SH2B2: variants seen among roughly 807,000 people sequenced by gnomAD.
SH2B2 encodes SH2B adaptor protein 2.
Under a neutral mutation model 35.7 loss-of-function variants are expected in SH2B2, and 37 were observed. That is an observed-to-expected ratio of 1.04 (90% CI 0.80 to 1.36). The LOEUF (loss-of-function observed/expected upper bound fraction) is 1.36. Ranked by LOEUF, SH2B2 falls within the 40% of genes most tolerant of loss-of-function variation. The pLI is 0.00. For synonymous variants in SH2B2, 383 were observed against 376.4 expected (o/e 1.02, Z -0.20); for missense variants, 852 against 817.7 (o/e 1.04, Z -0.51).
At chr7:102,311,257 ATT>A (rs782006002) in intron 4 of SH2B2, among the ~76,000 whole-genome samples, 4 of 140,824 alleles carry the variant, frequency 2.8e-5, no homozygotes, top group Non-Finnish European at 3.1e-5. Context: ...GACTGGCTTA[ATT>A]TTTTTTTTTT....
At chr7:102,302,372 CCTGCCCAGGGGGTCCTTTT>C (rs1793227905) in intron 2 of SH2B2, among the ~76,000 whole-genome samples, 1 of 152,246 alleles carries the variant, frequency 6.6e-6, no homozygotes, top group Non-Finnish European at 1.5e-5. Flanking sequence ...CAGCCCAGCC[CCTGCCCAGGGGGTCCTTTT>C]CTGGCCAGGG....
At chr7:102,299,238 A>ACC (rs1297857199) in intron 1 of SH2B2, among the ~76,000 whole-genome samples, 1 of 47,362 alleles carries the variant, frequency 2.1e-5, no homozygotes, top group African/African-American at 9.0e-5. Flanking sequence ...TGGCTCTGTC[A>ACC]CCTAGGCTGG....
intron 1 of SH2B2, among the ~76,000 whole-genome samples, chr7:102,287,301 C>T (rs1255951329): frequency 6.6e-6 from 1 of 152,026 alleles, no homozygotes; most frequent in South Asian, 2.1e-4. Flanking sequence ...GGGATCTGCT[C>T]CCCGATCCCC....
chr7:102,304,451 A>C (rs542335372), intron 2 of SH2B2, among the ~76,000 whole-genome samples: 1 of 152,338 alleles, frequency 6.6e-6, no homozygotes, highest in Non-Finnish European at 1.5e-5. Flanking sequence ...TGGTATTTTC[A>C]AGATGCTTGC....
intron 7 of SH2B2, among the ~76,000 whole-genome samples, chr7:102,317,850 G>A (rs548728710): frequency 1.3e-5 from 2 of 152,282 alleles, no homozygotes; most frequent in African/African-American, 2.4e-5. Context: ...TCCCTGCCCA[G>A]GTTAGGTCAC....
chr7:102,303,154 T>C (rs1793258463), intron 2 of SH2B2, among the ~76,000 whole-genome samples: 1 of 150,896 alleles, frequency 6.6e-6, no homozygotes, highest in Admixed American at 6.6e-5. Context: ...GAGGCAGAGA[T>C]TGTGGTAAGC....
intron 1 of SH2B2, among the ~76,000 whole-genome samples, chr7:102,299,609 A>G (rs1793068633): frequency 6.6e-6 from 1 of 152,130 alleles, no homozygotes; most frequent in African/African-American, 2.4e-5. Context: ...ATGCAGGAAA[A>G]ATAGTTATGC....
chr7:102,300,235 G>A (rs570709327), intron 1 of SH2B2, among the ~76,000 whole-genome samples: 1 of 152,332 alleles, frequency 6.6e-6, no homozygotes, highest in Non-Finnish European at 1.5e-5. Context: ...TCACCATGTT[G>A]ACCAGGCTGA....
At position 102,317,362 on chromosome 7, in the gene SH2B2, C is replaced by T. The variant is rs374496645; in HGVS notation, c.1362C>T (p.Tyr454=). Residue 454 remains tyrosine, a synonymous_variant, in exon 7 of 9, where the codon TAC becomes TAT. Transcript: ENST00000444095. ...IRQSETRPGE[Y]VLTFNFQGKA... ...AAAGTGAGACTCGGCCTGGGGAGTACGTGCTGACCTTCAACTTCCAGGGCA... is the reference window on the plus strand; with the variant it reads ...AAAGTGAGACTCGGCCTGGGGAGTATGTGCTGACCTTCAACTTCCAGGGCA... 2.4e-5 allele frequency: 38 copies of T among 1,595,226 alleles called. No homozygotes were observed. The highest frequency in any genetic ancestry group is 3.3e-4 in the Middle Eastern group (2 of 6,010).
intron 2 of SH2B2, among the ~76,000 whole-genome samples, chr7:102,302,159 C>T (rs1793219655): frequency 6.6e-6 from 1 of 152,244 alleles, no homozygotes; most frequent in Non-Finnish European, 1.5e-5. Context: ...CTGTGCCCAG[C>T]CCAGGGCACC....
upstream of SH2B2, among the ~76,000 whole-genome samples, chr7:102,286,469 C>G (rs1374037027): frequency 2.0e-5 from 3 of 152,188 alleles, no homozygotes; most frequent in African/African-American, 7.2e-5. Context: ...CCACGCAGGA[C>G]ATTCCCCCGG....
intron 1 of SH2B2, among the ~76,000 whole-genome samples, chr7:102,288,304 G>A (rs1458585007): frequency 6.6e-6 from 1 of 152,068 alleles, no homozygotes; most frequent in Non-Finnish European, 1.5e-5. Context: ...AGGAGCTTTG[G>A]GAGAGGTCTG....
rs1793175439 is a variant in SH2B2 at position 102,301,237 on chromosome 7, G to A, written c.687G>A (p.Val229=). 6.2e-7 allele frequency: 1 copy of A among 1,604,254 alleles called. No homozygotes were observed. Among genetic ancestry groups the A allele is most frequent in the Non-Finnish European group, 8.5e-7 (1 of 1,176,188 alleles). ...QKCRLLLRRA[V]AEERFRLEFF... is the part of the protein sequence containing the mutation. Reference sequence around the variant, plus strand: ...GCCGCCTGCTCCTGCGCAGGGCTGTGGCCGAGGAACGCTTCCGCCTGGAGT... The same window carrying A: ...GCCGCCTGCTCCTGCGCAGGGCTGTAGCCGAGGAACGCTTCCGCCTGGAGT... The change falls in exon 2 of 9, where the codon GTG becomes GTA. Residue 229 remains valine, a synonymous_variant. Transcript: ENST00000444095.
At chr7:102,317,462 C>T in intron 7 of SH2B2, 67 bp downstream of exon 7, 1 of 1,389,456 alleles carries the variant, frequency 7.2e-7, no homozygotes, top group Non-Finnish European at 9.6e-7. Flanking sequence ...CATGGTGACC[C>T]CGGTCCTGAG....
intron 6 of SH2B2, among the ~76,000 whole-genome samples, chr7:102,315,926 T>G (rs1297533910): frequency 1.3e-5 from 2 of 151,988 alleles, no homozygotes; most frequent in Non-Finnish European, 2.9e-5. Flanking sequence ...TTCACAGCTC[T>G]GTGCCTCAGT....
At chr7:102,298,807 A>G (rs781854310) in intron 1 of SH2B2, among the ~76,000 whole-genome samples, 11 of 152,048 alleles carry the variant, frequency 7.2e-5, no homozygotes, top group Non-Finnish European at 1.5e-4. Flanking sequence ...AGCTCAAGCA[A>G]TCTGCTCACC....
chr7:102,303,000 G>A (rs534453940), intron 2 of SH2B2, among the ~76,000 whole-genome samples: 3 of 152,086 alleles, frequency 2.0e-5, no homozygotes, highest in East Asian at 1.9e-4. Context: ...TTGGGAGGCC[G>A]AGGCAGGTGG....
intron 3 of SH2B2, 114 bp downstream of exon 3, chr7:102,306,936 T>A: frequency 1.2e-6 from 1 of 803,012 alleles, no homozygotes; most frequent in Non-Finnish European, 2.1e-6. Context: ...AGGACAGTAG[T>A]GGGAGGGAGC....
rs782425888 is a variant in SH2B2 at position 102,300,688 on chromosome 7, G to T, written c.138G>T (p.Leu46=). 1.3e-6 allele frequency: 2 copies of T among 1,546,756 alleles called. No homozygotes were observed. The highest frequency in any genetic ancestry group is 1.7e-6 in the Non-Finnish European group (2 of 1,143,722). The change falls in exon 2 of 9, where the codon CTG becomes CTT. Residue 46 remains leucine (L), a synonymous_variant. Coordinates refer to ENST00000444095, the MANE Select transcript of SH2B2 (RefSeq NM_001359228.2). ...TTGCGCACAAGTTCTGCCGTTTCCTGCGGGACAACCCAGCTTACGACACGC... is the reference window on the plus strand; with the variant it reads ...TTGCGCACAAGTTCTGCCGTTTCCTTCGGGACAACCCAGCTTACGACACGC... ...VDFAHKFCRF[L]RDNPAYDTPD...
Sources: gnomAD v4.1 joint callset for allele counts (sites outside exome capture counted in the v4.1 genomes callset) on GRCh38, gnomAD v4.1.1 for gene constraint, MANE v1.5 for transcripts, NCBI Gene and HGNC (gene_info 2026-07-23, HGNC 2026-07-21) for gene names.